The following RAD50 variants were observed in gnomAD, a reference collection of about 807,000 sequenced individuals.
RAD50 encodes the protein RAD50 double strand break repair protein, also known as DNA repair protein RAD50.
In RAD50, 132 loss-of-function variants were observed where a neutral mutation model predicts 168.8. The observed-to-expected ratio is 0.78, with a 90% confidence interval of 0.68 to 0.90. The LOEUF is 0.90. Ranked by LOEUF, RAD50 falls within the 40% of genes least tolerant of loss-of-function variation. The probability of loss-of-function intolerance (pLI) is 0.00; values close to 1 mark genes in which losing one functional copy is unlikely to be tolerated. For synonymous variants in RAD50, 525 were observed against 497.4 expected, an observed-to-expected ratio of 1.06 and a Z score of -0.74; for missense variants, 1,347 against 1,534.4, an observed-to-expected ratio of 0.88 and a Z score of 2.04.
intron 21 of RAD50, among the ~76,000 whole-genome samples, chr5:132,630,420 G>T (rs1751443496): frequency 6.6e-6 from 1 of 152,104 alleles, no homozygotes; most frequent in Non-Finnish European, 1.5e-5. Flanking sequence ...TTTCTGTGAG[G>T]CTCTTCAGAG....
intron 5 of RAD50, among the ~76,000 whole-genome samples, chr5:132,585,434 T>G (rs1007861831): frequency 6.6e-6 from 1 of 152,186 alleles, no homozygotes; most frequent in Non-Finnish European, 1.5e-5. Context: ...TAATTTGTGT[T>G]TTCCTAGTTG....
chr5:132,596,550 A>G (rs1750795232), intron 13 of RAD50, among the ~76,000 whole-genome samples: 1 of 152,180 alleles, frequency 6.6e-6, no homozygotes. Flanking sequence ...GGTTGTTTAT[A>G]TTTTCCATCA....
chr5:132,586,697 TGTTA>T (rs1750600471), intron 5 of RAD50, among the ~76,000 whole-genome samples: 1 of 152,250 alleles, frequency 6.6e-6, no homozygotes, highest in African/African-American at 2.4e-5. Flanking sequence ...TAACTTCATA[TGTTA>T]GTTTAAAATT....
chr5:132,614,670 A>G (rs1751145867), intron 19 of RAD50, among the ~76,000 whole-genome samples: 1 of 151,954 alleles, frequency 6.6e-6, no homozygotes, highest in East Asian at 1.9e-4. Context: ...ATTATTTTAA[A>G]TTTGTATTTT....
Position 132,588,851 on chromosome 5 carries a change from G to C in RAD50, c.1216G>C (p.Gly406Arg), listed in dbSNP as rs747951988. 5 of 1,613,842 alleles carry C rather than the reference G, an allele frequency of 3.1e-6. No homozygotes were observed. The highest frequency in any genetic ancestry group is 4.2e-6 in the Non-Finnish European group (5 of 1,179,866). The change falls in exon 8 of 25, where the codon GGG (glycine) becomes CGG (arginine). Residue 406 changes from glycine to arginine, a missense_variant. Around this residue, in one of 3 missense-constraint regions of RAD50, gnomAD observed 703 missense variants for 767.7 expected, o/e 0.92. Transcript: ENST00000378823. ...CAAACTTGTGAGAGAGAGACAAGAA[G>C]GGGAAGCAAAAACTGCCAACCAACT... Reference protein sequence around the residue: ...FHKLVRERQEGEAKTANQLMN... With the variant: ...FHKLVRERQEREAKTANQLMN...
At chr5:132,567,689 G>A (rs1006474961) in intron 2 of RAD50, among the ~76,000 whole-genome samples, 10 of 152,156 alleles carry the variant, frequency 6.6e-5, no homozygotes, top group African/African-American at 2.4e-4. Context: ...TGTGAGTGTT[G>A]TATTCTAAAG....
rs79051029 is a variant in RAD50, at chr5:132,596,576, C to G, written c.2207+766C>G. On this transcript the variant is annotated intron_variant, in intron 13 of 24. Coordinates refer to ENST00000378823, the MANE Select transcript of RAD50 (RefSeq NM_005732.4). ...TTTTCCATCACTTATACAAGAAATT[C>G]GTGTTATGTTCTGTTTACAAACAAA... Among the ~76,000 whole-genome samples the G allele has an allele frequency of 6.3e-3, 965 of 152,276 alleles. 13 individuals are homozygous for G. Among genetic ancestry groups the G allele is most frequent in the African/African-American group, 0.022 (916 of 41,556 alleles).
At chr5:132,571,937 G>T (rs2522417) in intron 2 of RAD50, among the ~76,000 whole-genome samples, 4,277 of 152,218 alleles carry the variant, frequency 0.028, 212 homozygotes, top group African/African-American at 0.098. Context: ...TATCAGTCAT[G>T]AAAGTCAAGG....
At chr5:132,632,367 A>G (rs1458632796) in intron 21 of RAD50, among the ~76,000 whole-genome samples, 1 of 152,220 alleles carries the variant, frequency 6.6e-6, no homozygotes, top group African/African-American at 2.4e-5. Context: ...AGCCCTTAAG[A>G]ATTATTAAGT....
chr5:132,610,043 A>ATG (rs968590324), intron 19 of RAD50, among the ~76,000 whole-genome samples: 6 of 151,202 alleles, frequency 4.0e-5, no homozygotes, highest in African/African-American at 1.5e-4. Context: ...ATATATATAT[A>ATG]TATTTAAATT....
At chr5:132,598,640 C>G (rs755979756) in intron 13 of RAD50, among the ~76,000 whole-genome samples, 1 of 152,208 alleles carries the variant, frequency 6.6e-6, no homozygotes, top group Non-Finnish European at 1.5e-5. Flanking sequence ...TGATGGCTCA[C>G]ATGACTGACA....
rs944642693 is a variant in RAD50, at chr5:132,634,892, A to G, written c.3390-2223A>G. ...CTGTTTCTTTCTTGTTGTAAACACT[A>G]CTTGGTCATGATATATTCTTTTTAC... On this transcript the variant is annotated intron_variant, in intron 21 of 24. Transcript: ENST00000378823. Among the ~76,000 whole-genome samples the G allele has an allele frequency of 2.0e-5, 3 of 152,296 alleles. No individual in the cohort carries two copies. The East Asian group carries it at 5.8e-4, about 29-fold the overall frequency.
At chr5:132,588,169 C>G (rs558400513) in intron 7 of RAD50, 80 bp downstream of exon 7, 8 of 1,483,146 alleles carry the variant, frequency 5.4e-6, no homozygotes, top group Non-Finnish European at 7.5e-6. Context: ...TCTCCAAGGA[C>G]TTATGCTGAG....
At chr5:132,637,059 C>A in intron 21 of RAD50, 56 bp from the exon 22 acceptor site, 1 of 1,353,198 alleles carries the variant, frequency 7.4e-7, no homozygotes, top group Non-Finnish European at 9.8e-7. Context: ...TTTAATATTA[C>A]TATTACACAT....
In RAD50 at chr5:132,617,810, C is replaced by T. The variant is rs572246382; in HGVS notation, c.3165-260C>T. On this transcript the variant is annotated intron_variant, in intron 20 of 24. Transcript: ENST00000378823. ...AGCGTCTAAAGGCCAGGAACTTTAT[C>T]AGTGATCACATGCTATGAGGGTTCT... Among the ~76,000 whole-genome samples the T allele has an allele frequency of 7.2e-5, 11 of 152,268 alleles. No individual in the cohort carries two copies. The East Asian group carries it at 1.9e-3, about 27-fold the overall frequency.
In RAD50 at chr5:132,557,222, C is replaced by A; in HGVS notation, c.-103C>A. 1.3e-6 allele frequency: 2 copies of A among 1,494,264 alleles called. No individual in the cohort carries two copies. The highest frequency in any genetic ancestry group is 1.9e-6 in the Non-Finnish European group (2 of 1,072,614). 92.6% of individuals were successfully genotyped at this position (1,494,264 alleles called of 1,614,324 possible). A position where few individuals can be genotyped will look rare whatever the true frequency, so the allele number is the denominator to read the frequency against. ...TCGCTCCCCGCCCGGATCCTCCTGACCCTGAGATTCGCGGGTCTCACGTCC... is the reference window on the plus strand; with the variant it reads ...TCGCTCCCCGCCCGGATCCTCCTGAACCTGAGATTCGCGGGTCTCACGTCC... On this transcript the variant is annotated 5_prime_UTR_variant, in exon 1 of 25. Transcript: ENST00000378823.
At chr5:132,641,371 T>C (rs1479683304) in intron 24 of RAD50, among the ~76,000 whole-genome samples, 1 of 152,140 alleles carries the variant, frequency 6.6e-6, no homozygotes, top group Non-Finnish European at 1.5e-5. Context: ...AGGACTATGC[T>C]GGCAGAGAAA....
chr5:132,578,881 A>C (rs1179572543), intron 3 of RAD50, among the ~76,000 whole-genome samples: 1 of 152,120 alleles, frequency 6.6e-6, no homozygotes, highest in Non-Finnish European at 1.5e-5. Flanking sequence ...CAGTAAAGAC[A>C]GATATTGCCT....
At chr5:132,621,418 AT>A (rs1363647694) in intron 21 of RAD50, among the ~76,000 whole-genome samples, 1 of 152,238 alleles carries the variant, frequency 6.6e-6, no homozygotes, top group Non-Finnish European at 1.5e-5. Flanking sequence ...TTTTTAAATC[AT>A]CACAAATGAG....
Sources: allele counts gnomAD v4.1 joint callset (sites outside exome capture counted in the v4.1 genomes callset), GRCh38; gene constraint gnomAD v4.1.1; regional missense constraint gnomAD v4.1.1; transcripts MANE v1.5; gene names NCBI Gene and HGNC (gene_info 2026-07-23, HGNC 2026-07-21).